SRGAP2: variants seen among roughly 807,000 people sequenced by gnomAD.
The protein encoded by SRGAP2 is SLIT-ROBO Rho GTPase activating protein 2.
SRGAP2 carries 15 observed loss-of-function variants against 57.2 expected under a neutral mutation model. That is an observed-to-expected ratio of 0.26 (90% CI 0.18 to 0.40). SRGAP2 has a LOEUF of 0.40. Ranked by LOEUF, SRGAP2 falls within the 10% of genes least tolerant of loss-of-function variation. The probability of loss-of-function intolerance (pLI) is 1.00; values close to 1 mark genes in which losing one functional copy is unlikely to be tolerated. For synonymous variants in SRGAP2, 249 were observed against 248.0 expected (o/e 1.00, Z -0.04); for missense variants, 520 against 669.6 (o/e 0.78, Z 2.47).
intron 22 of SRGAP2, 39 bp from the exon 23 acceptor site, chr1:206,460,998 C>T (rs1356063104): frequency 3.0e-6 from 2 of 666,262 alleles, no homozygotes; most frequent in Non-Finnish European, 5.5e-6. Flanking sequence ...GGAATTCTCC[C>T]CTCATTTGCC....
chr1:206,296,755 GT>G (rs1671622054), intron 2 of SRGAP2: 1 of 151,664 alleles, frequency 6.6e-6, no homozygotes, highest in Admixed American at 6.6e-5. Context: ...ACTTAATAGA[GT>G]AAAGTAATGC....
chr1:206,436,059 G>A (rs1296458376), intron 14 of SRGAP2, among the ~76,000 whole-genome samples: 1 of 151,692 alleles, frequency 6.6e-6, no homozygotes, highest in Non-Finnish European at 1.5e-5. Flanking sequence ...GCACAAATTC[G>A]TAAACTTTCT....
At chr1:206,260,017 G>C (rs1553313215) in intron 2 of SRGAP2, among the ~76,000 whole-genome samples, 1 of 42,400 alleles carries the variant, frequency 2.4e-5, no homozygotes, top group Non-Finnish European at 4.7e-5. Flanking sequence ...ATTGTAAAGG[G>C]AGTAGGGAAG....
intron 2 of SRGAP2, among the ~76,000 whole-genome samples, chr1:206,239,356 ACCTTCTTTAGTCCC>A (rs1334466821): frequency 6.7e-6 from 1 of 150,220 alleles, no homozygotes; most frequent in Non-Finnish European, 1.5e-5. Flanking sequence ...GTTGGAGGCC[ACCTTCTTTAGTCCC>A]CCTTCCCCAA....
intron 2 of SRGAP2, among the ~76,000 whole-genome samples, chr1:206,234,693 G>A (rs1327141305): frequency 6.6e-6 from 1 of 152,122 alleles, no homozygotes; most frequent in Non-Finnish European, 1.5e-5. Flanking sequence ...AGCCCCAAGT[G>A]TGTATATCTG....
At chr1:206,369,720 C>G (rs1553342271) in intron 4 of SRGAP2, among the ~76,000 whole-genome samples, 1 of 151,228 alleles carries the variant, frequency 6.6e-6, no homozygotes, top group East Asian at 1.9e-4. Context: ...ACTAGGATAG[C>G]TATAATTTTA....
chr1:206,416,234 C>G (rs886710157), intron 11 of SRGAP2, among the ~76,000 whole-genome samples: 2 of 152,168 alleles, frequency 1.3e-5, no homozygotes, highest in Non-Finnish European at 2.9e-5. Flanking sequence ...AGTCCCTCCA[C>G]CCTCGCCTCC....
At position 206,346,338 on chromosome 1, in the gene SRGAP2, A is replaced by T. The variant is rs568624261; in HGVS notation, c.423+3330A>T. Among the ~76,000 whole-genome samples, 1,290 of 152,290 alleles carry T rather than the reference A, an allele frequency of 8.5e-3. 15 individuals carry two copies. Among genetic ancestry groups the T allele is most frequent in the African/African-American group, 0.029 (1,224 of 41,536 alleles). The stretch of plus-strand genomic sequence containing the variant: ...TGGTGCCTTCCAAATTCAGGATACC[A>T]CAGTTCTGTGACGATAAGGGGATCC... On this transcript the variant is annotated intron_variant, in intron 4 of 22. Coordinates refer to ENST00000573034, the MANE Select transcript of SRGAP2 (RefSeq NM_015326.5).
chr1:206,416,146 T>C (rs1659683564), intron 11 of SRGAP2, among the ~76,000 whole-genome samples, 173 bp downstream of exon 11: 1 of 152,188 alleles, frequency 6.6e-6, no homozygotes, highest in Admixed American at 6.5e-5. Flanking sequence ...GCTTGAGTAA[T>C]GGGGAAAGGC....
chr1:206,451,986 G>A (rs1443613541), intron 19 of SRGAP2, among the ~76,000 whole-genome samples: 1 of 152,120 alleles, frequency 6.6e-6, no homozygotes, highest in Non-Finnish European at 1.5e-5. Context: ...CAGAATAGCC[G>A]ACTTTCATCT....
At chr1:206,359,719 T>TA (rs1676736841) in intron 4 of SRGAP2, among the ~76,000 whole-genome samples, 1 of 109,764 alleles carries the variant, frequency 9.1e-6, no homozygotes, top group East Asian at 2.8e-4. Flanking sequence ...AGATAATACA[T>TA]AAAAAAGTAA....
chr1:206,376,003 GT>G (rs1390481006), intron 4 of SRGAP2, among the ~76,000 whole-genome samples: 2 of 149,794 alleles, frequency 1.3e-5, no homozygotes, highest in Admixed American at 6.6e-5. Flanking sequence ...TTGATGGGTG[GT>G]TTTGGTATTC....
At chr1:206,342,089 G>A (rs1241935222) in intron 3 of SRGAP2, among the ~76,000 whole-genome samples, 37 of 152,232 alleles carry the variant, frequency 2.4e-4, no homozygotes, top group African/African-American at 8.9e-4. Context: ...GGTATGGTTT[G>A]TGTTCTTGAT....
chr1:206,436,331 G>T (rs2103314798), intron 14 of SRGAP2, among the ~76,000 whole-genome samples: 1 of 151,820 alleles, frequency 6.6e-6, no homozygotes, highest in Admixed American at 6.6e-5. Context: ...GAGAACTAAT[G>T]CCTTGACCTA....
At chr1:206,459,000 T>C (rs1318792835) in intron 22 of SRGAP2, 53 bp downstream of exon 22, 3 of 669,730 alleles carry the variant, frequency 4.5e-6, no homozygotes, top group Admixed American at 4.6e-5. Flanking sequence ...TCACTACCAC[T>C]TAGTGCCACC....
chr1:206,410,286 G>A (rs139006399), intron 10 of SRGAP2, among the ~76,000 whole-genome samples: 202 of 152,238 alleles, frequency 1.3e-3, no homozygotes, highest in Admixed American at 3.0e-3. Context: ...TGCCCTCAGT[G>A]GTGACATGTT....
Position 206,463,488 on chromosome 1 carries a change from C to T in SRGAP2, c.*2068C>T, listed in dbSNP as rs117543517. On this transcript the variant is annotated 3_prime_UTR_variant, in exon 23 of 23. Coordinates refer to ENST00000573034, the MANE Select transcript of SRGAP2 (RefSeq NM_015326.5). ...GATCAAAACTGGTACCCACACTTGC[C>T]CTTTCTCCCTCTCTCCAGCACACTC... 1.3e-5 allele frequency: 2 copies of T among 152,738 alleles called. No homozygotes were observed. Among genetic ancestry groups the T allele is most frequent in the East Asian group, 3.9e-4 (2 of 5,190 alleles). 9.5% of individuals were successfully genotyped at this position (152,738 alleles called of 1,614,324 possible).
At chr1:206,443,631 C>A (rs1031238007) in intron 17 of SRGAP2, among the ~76,000 whole-genome samples, 8 of 152,118 alleles carry the variant, frequency 5.3e-5, no homozygotes, top group Admixed American at 1.3e-4. Context: ...CCCACCTCGA[C>A]CTCACAAAGT....
chr1:206,209,751 C>T (rs1666190590), intron 2 of SRGAP2, among the ~76,000 whole-genome samples: 1 of 151,882 alleles, frequency 6.6e-6, no homozygotes, highest in Non-Finnish European at 1.5e-5. Context: ...ATACCAAAAT[C>T]TGCAGATGCT....
Sources: allele counts gnomAD v4.1 joint callset (sites outside exome capture counted in the v4.1 genomes callset), GRCh38; gene constraint gnomAD v4.1.1; transcripts MANE v1.5; gene names NCBI Gene and HGNC (gene_info 2026-07-23, HGNC 2026-07-21).